GRM7: variants seen among roughly 807,000 people sequenced by gnomAD.
GRM7 encodes the protein glutamate metabotropic receptor 7, also known as metabotropic glutamate receptor 7.
In GRM7, 35 loss-of-function variants were observed where a neutral mutation model predicts 84.5. The observed-to-expected ratio is 0.41, with a 90% CI of 0.32 to 0.55. The LOEUF (loss-of-function observed/expected upper bound fraction) is 0.55, where lower values mean the gene tolerates loss of function less well. Ranked by LOEUF, GRM7 falls within the 20% of genes least tolerant of loss-of-function variation. The pLI is 0.19. For synonymous variants in GRM7, 487 were observed against 455.1 expected, an observed-to-expected ratio of 1.07 and a Z score of -0.89; for missense variants, 1,003 against 1,194.6, an observed-to-expected ratio of 0.84 and a Z score of 2.36.
intron 1 of GRM7, among the ~76,000 whole-genome samples, chr3:6,969,294 T>C (rs1161838910): frequency 1.3e-5 from 2 of 152,288 alleles, no homozygotes; most frequent in African/African-American, 2.4e-5. Context: ...CATAAGTTGG[T>C]TTTTTACATT....
intron 2 of GRM7, among the ~76,000 whole-genome samples, chr3:7,246,637 C>A (rs1490227583): frequency 1.3e-5 from 2 of 152,106 alleles, no homozygotes; most frequent in Non-Finnish European, 2.9e-5. Flanking sequence ...TAGACTGGCA[C>A]TGGGTAACGT....
rs1165234212 is a variant in GRM7 at position 7,713,114 on chromosome 3, A to AT, written c.2699-27239dup. 4.8e-3 allele frequency among the ~76,000 whole-genome samples: 626 copies of AT among 129,776 alleles called. 21 individuals carry two copies. The highest frequency in any genetic ancestry group is 0.011 in the African/African-American group (365 of 32,056). The allele number at this position is 129,776 out of a possible 152,430, so 85.1% of individuals were successfully genotyped here. ...ATATTCACAGATAGAGAGGATTCGA[A>AT]TTTTGTTTTGTTTTTTTTTTTTTTT... On this transcript the variant is annotated intron_variant, in intron 9 of 9. Transcript: ENST00000357716.
At chr3:7,279,758 T>C (rs954780825) in intron 2 of GRM7, among the ~76,000 whole-genome samples, 4 of 152,150 alleles carry the variant, frequency 2.6e-5, no homozygotes, top group Non-Finnish European at 5.9e-5. Context: ...AGGACTCATA[T>C]CTATTTGGTG....
chr3:7,226,517 C>T (rs1429147081), intron 2 of GRM7, among the ~76,000 whole-genome samples: 1 of 152,112 alleles, frequency 6.6e-6, no homozygotes, highest in Non-Finnish European at 1.5e-5. Context: ...AGACAGAGTT[C>T]TGTATAAAAT....
At chr3:7,552,141 T>C (rs1019578083) in intron 7 of GRM7, among the ~76,000 whole-genome samples, 3 of 152,218 alleles carry the variant, frequency 2.0e-5, no homozygotes, top group Admixed American at 6.5e-5. Context: ...ACAGGCCCCA[T>C]GTAAGTCTGA....
At chr3:7,477,598 G>T (rs1178452551) in intron 7 of GRM7, among the ~76,000 whole-genome samples, 2 of 152,208 alleles carry the variant, frequency 1.3e-5, no homozygotes, top group Admixed American at 6.5e-5. Context: ...AGACTTTGGG[G>T]CTGCATCTCA....
chr3:7,145,379 G>A (rs886449163), intron 1 of GRM7, among the ~76,000 whole-genome samples: 2 of 152,080 alleles, frequency 1.3e-5, no homozygotes, highest in Non-Finnish European at 2.9e-5. Context: ...CAAATGTTAC[G>A]GTGCTTTGAA....
chr3:6,984,201 C>T (rs979636090), intron 1 of GRM7, among the ~76,000 whole-genome samples: 2 of 152,148 alleles, frequency 1.3e-5, no homozygotes, highest in Non-Finnish European at 2.9e-5. Flanking sequence ...GTCTTGGAGG[C>T]CGTAGAAACT....
chr3:6,985,581 A>G (rs1335861704), intron 1 of GRM7, among the ~76,000 whole-genome samples: 1 of 152,200 alleles, frequency 6.6e-6, no homozygotes, highest in African/African-American at 2.4e-5. Context: ...TTATAGATGG[A>G]GAAACTGAAG....
At chr3:7,073,912 T>C (rs147944939) in intron 1 of GRM7, among the ~76,000 whole-genome samples, 617 of 152,228 alleles carry the variant, frequency 4.1e-3, no homozygotes, top group Middle Eastern at 0.01. Context: ...AACATTCCCT[T>C]ATTGCTGGAT....
intron 5 of GRM7, among the ~76,000 whole-genome samples, chr3:7,449,556 G>C (rs1408865211): frequency 6.6e-6 from 1 of 152,134 alleles, no homozygotes; most frequent in Non-Finnish European, 1.5e-5. Flanking sequence ...TGCTCTGTCA[G>C]TTATTAAAAT....
chr3:7,471,044 A>G (rs1022419690), intron 7 of GRM7, among the ~76,000 whole-genome samples: 1 of 151,614 alleles, frequency 6.6e-6, no homozygotes, highest in African/African-American at 2.4e-5. Context: ...CTGAACCGCA[A>G]TTCCCTTCTT....
intron 4 of GRM7, among the ~76,000 whole-genome samples, chr3:7,374,217 C>T (rs997700329): frequency 2.0e-5 from 3 of 149,466 alleles, no homozygotes; most frequent in Admixed American, 2.0e-4. Context: ...TACTCTATGA[C>T]TATTAGTTAA....
chr3:7,542,737 A>G (rs1692948501), intron 7 of GRM7, among the ~76,000 whole-genome samples: 2 of 151,902 alleles, frequency 1.3e-5, no homozygotes, highest in African/African-American at 4.8e-5. Context: ...TAGTAGAGAC[A>G]GGTTTTCACC....
intron 2 of GRM7, among the ~76,000 whole-genome samples, chr3:7,250,632 T>C (rs1216128134): frequency 6.6e-6 from 1 of 152,142 alleles, no homozygotes; most frequent in Non-Finnish European, 1.5e-5. Context: ...CGAGCAATTT[T>C]CCTTCCTCAG....
intron 7 of GRM7, among the ~76,000 whole-genome samples, chr3:7,536,349 A>G (rs531284024): frequency 9.8e-5 from 15 of 152,314 alleles, no homozygotes; most frequent in African/African-American, 3.1e-4. Context: ...CTTTGTAGGA[A>G]GCAACTTGGA....
chr3:7,103,816 T>TGTCTCTCTCTCCCTC (rs1699202405), intron 1 of GRM7, among the ~76,000 whole-genome samples: 7 of 89,056 alleles, frequency 7.9e-5, no homozygotes, highest in African/African-American at 3.4e-4. Context: ...CTTTCTTTCT[T>TGTCTCTCTCTCCCTC]TCTCTCTCTC....
In GRM7 at chr3:7,116,679, G is replaced by T. The variant is rs151218997; in HGVS notation, c.520-29773G>T. ...AAAAAATAATTCTCCCATAGTTATC[G>T]TACTATGAAGATTTTGCTCAAAATC... On this transcript the variant is annotated intron_variant, in intron 1 of 9. Transcript: ENST00000357716. 4.9e-3 allele frequency among the ~76,000 whole-genome samples: 751 copies of T among 152,204 alleles called. 7 individuals are homozygous for T. The highest frequency in any genetic ancestry group is 0.017 in the African/African-American group (714 of 41,540).
At chr3:7,710,397 C>T (rs1701540854) in intron 9 of GRM7, among the ~76,000 whole-genome samples, 1 of 152,144 alleles carries the variant, frequency 6.6e-6, no homozygotes, top group African/African-American at 2.4e-5. Flanking sequence ...CACTCACAAA[C>T]ACAGTAATCG....
Sources: gnomAD v4.1 joint callset for allele counts (sites outside exome capture counted in the v4.1 genomes callset) on GRCh38, gnomAD v4.1.1 for gene constraint, MANE v1.5 for transcripts, NCBI Gene and HGNC (gene_info 2026-07-23, HGNC 2026-07-21) for gene names.